The following RNF2 variants were observed in gnomAD, a reference collection of about 807,000 sequenced individuals.
The protein encoded by RNF2 is E3 ubiquitin-protein ligase RING2.
A neutral mutation model predicts 37.2 loss-of-function variants in RNF2; 6 were observed. That is an observed-to-expected ratio of 0.16 (90% CI 0.09 to 0.32). The LOEUF (loss-of-function observed/expected upper bound fraction) is 0.32, where lower values mean the gene tolerates loss of function less well. RNF2 is among the 10% of genes least tolerant of loss of function. RNF2 has a pLI of 1.00. For synonymous variants in RNF2, 133 were observed against 132.7 expected (o/e 1.00, Z -0.02); for missense variants, 251 against 404.0 (o/e 0.62, Z 3.25).
chr1:185,068,223 C>A (rs1650858893), intron 1 of RNF2, among the ~76,000 whole-genome samples: 1 of 152,138 alleles, frequency 6.6e-6, no homozygotes. Context: ...TAAGTGTTGT[C>A]TGTGGGTAGT....
intron 1 of RNF2, among the ~76,000 whole-genome samples, chr1:185,069,006 T>A (rs904920451): frequency 5.9e-5 from 9 of 152,214 alleles, no homozygotes; most frequent in African/African-American, 2.2e-4. Flanking sequence ...AAATGTTTCA[T>A]CCAATTTGGA....
intron 1 of RNF2, among the ~76,000 whole-genome samples, chr1:185,087,198 T>G (rs939731515): frequency 1.3e-5 from 2 of 152,226 alleles, no homozygotes; most frequent in Non-Finnish European, 1.5e-5. Context: ...TACTTTAGGC[T>G]GGGTAATTTA....
intron 1 of RNF2, among the ~76,000 whole-genome samples, chr1:185,060,003 A>G (rs951372616): frequency 6.6e-6 from 1 of 152,212 alleles, no homozygotes. Flanking sequence ...TTCCATTGAC[A>G]CAAGGGAATG....
chr1:185,090,029 C>G (rs536796966), intron 2 of RNF2, among the ~76,000 whole-genome samples: 14 of 152,212 alleles, frequency 9.2e-5, no homozygotes, highest in Non-Finnish European at 7.4e-5. Flanking sequence ...TCAAATGATT[C>G]TCCTGCTTCA....
intron 1 of RNF2, among the ~76,000 whole-genome samples, 183 bp downstream of exon 1, chr1:185,045,832 G>A (rs1346582183): frequency 6.6e-6 from 1 of 152,196 alleles, no homozygotes; most frequent in Non-Finnish European, 1.5e-5. Context: ...GAGACGGCGG[G>A]TGAAGCGGGT....
chr1:185,067,708 CTT>C (rs753063280), intron 1 of RNF2, among the ~76,000 whole-genome samples: 124 of 121,122 alleles, frequency 1.0e-3, no homozygotes, highest in African/African-American at 2.5e-3. Context: ...TAAAAGTATC[CTT>C]TTTTTTTTTT....
At chr1:185,082,654 C>G (rs1651463304) in intron 1 of RNF2, among the ~76,000 whole-genome samples, 1 of 152,142 alleles carries the variant, frequency 6.6e-6, no homozygotes, top group African/African-American at 2.4e-5. Flanking sequence ...CGCACCCAGC[C>G]TGCAGAACTT....
intron 1 of RNF2, among the ~76,000 whole-genome samples, chr1:185,078,129 C>T (rs1338372582): frequency 6.6e-6 from 1 of 152,058 alleles, no homozygotes; most frequent in Admixed American, 6.5e-5. Flanking sequence ...TGCCTGTAGT[C>T]CCAGCTGCTT....
At chr1:185,087,665 G>C (rs775910102) in intron 2 of RNF2, 25 bp downstream of exon 2, 2 of 1,529,912 alleles carry the variant, frequency 1.3e-6, no homozygotes, top group African/African-American at 2.7e-5. Context: ...GACTGCCAAG[G>C]GGCATATGAG....
chr1:185,053,245 G>A (rs1571292039), intron 1 of RNF2, among the ~76,000 whole-genome samples: 1 of 151,926 alleles, frequency 6.6e-6, no homozygotes, highest in East Asian at 1.9e-4. Flanking sequence ...CACATTCCAT[G>A]CCTTCTAGTT....
intron 1 of RNF2, among the ~76,000 whole-genome samples, chr1:185,082,360 TTTTTTTTG>T (rs1375943357): frequency 2.2e-5 from 3 of 138,200 alleles, no homozygotes; most frequent in Non-Finnish European, 3.2e-5. Context: ...TTTTTTTTTT[TTTTTTTTG>T]AAGACAGAGT....
intron 1 of RNF2, among the ~76,000 whole-genome samples, chr1:185,074,981 C>CTGTG (rs1175480441): frequency 2.0e-5 from 3 of 151,780 alleles, no homozygotes; most frequent in African/African-American, 7.3e-5. Flanking sequence ...ATATATAGTT[C>CTGTG]CGTGTGTGTG....
chr1:185,099,808 G>C lies in RNF2; in HGVS notation c.755G>C (p.Gly252Ala), dbSNP rs1477261183. 6.8e-6 allele frequency: 11 copies of C among 1,613,594 alleles called. No homozygotes were observed. Among genetic ancestry groups the C allele is most frequent in the Non-Finnish European group, 9.3e-6 (11 of 1,179,878 alleles). The change falls in exon 6 of 7, where the codon GGT becomes GCT. Residue 252 changes from glycine to alanine, a missense_variant. Physicochemically the swap from Gly to Ala is moderately conservative, Grantham distance 60. Around this residue, in one of 7 missense-constraint regions of RNF2, gnomAD observed 16 missense variants for 47.7 expected, o/e 0.34. Transcript: ENST00000367510. ...SAQTRYIKTS[G>A]NATVDHLSKY... Reference sequence around the variant, plus strand: ...TCTTCTAGATACATAAAGACTTCTGGTAACGCCACTGTTGATCACTTATCC... The same window carrying C: ...TCTTCTAGATACATAAAGACTTCTGCTAACGCCACTGTTGATCACTTATCC...
intron 1 of RNF2, among the ~76,000 whole-genome samples, chr1:185,076,520 T>C (rs1402780418): frequency 6.6e-6 from 1 of 151,182 alleles, no homozygotes; most frequent in Non-Finnish European, 1.5e-5. Flanking sequence ...TCTCCTGACC[T>C]TGTGATCCAC....
chr1:185,094,578 C>G (rs867660712), intron 4 of RNF2, among the ~76,000 whole-genome samples: 1 of 152,094 alleles, frequency 6.6e-6, no homozygotes, highest in East Asian at 1.9e-4. Flanking sequence ...GAAGTAAGTT[C>G]CCAACTGGTT....
Position 185,091,800 on chromosome 1 carries a change from G to A in RNF2, c.248+61G>A, listed in dbSNP as rs1651771037. 15 of 1,410,216 alleles carry A rather than the reference G, an allele frequency of 1.1e-5. No individual in the cohort carries two copies. In the South Asian group the frequency reaches 1.6e-4, roughly 15 times the overall value. 87.4% of individuals were successfully genotyped at this position (1,410,216 alleles called of 1,614,324 possible). On this transcript the variant is annotated intron_variant, in intron 3 of 6. Transcript: ENST00000367510. ...TTGTACCACGAAAGTGCTTTCCAGG[G>A]TTTGAGAAATACATTTTCTTTTTTT... is the stretch of plus-strand genomic sequence containing the variant.
intron 2 of RNF2, 74 bp from the exon 3 acceptor site, chr1:185,091,505 G>A: frequency 7.0e-7 from 1 of 1,428,848 alleles, no homozygotes; most frequent in Non-Finnish European, 9.7e-7. Context: ...ACCATTTCCA[G>A]TACTTTTATA....
intron 1 of RNF2, among the ~76,000 whole-genome samples, chr1:185,056,577 C>T (rs1203341987): frequency 6.6e-6 from 1 of 152,022 alleles, no homozygotes; most frequent in East Asian, 1.9e-4. Context: ...AGCTATGTTG[C>T]CCAGGCTGGT....
In RNF2 at chr1:185,079,930, GA is replaced by G. The variant is rs372875470; in HGVS notation, c.-2-7610del. ...GGGCAACAAGAGCGAGACTGTCTCA[GA>G]AAAAAAAAAAAGCCAATTGTGTCTT... On this transcript the variant is annotated intron_variant, in intron 1 of 6. Transcript: ENST00000367510. 7.3e-4 allele frequency among the ~76,000 whole-genome samples: 103 copies of G among 141,986 alleles called. 1 individual carries two copies. The highest frequency in any genetic ancestry group is 4.1e-4 in the East Asian group (2 of 4,910). The allele number at this position is 141,986 out of a possible 152,430, so 93.1% of individuals were successfully genotyped here.
Sources: gnomAD v4.1 joint callset for allele counts (sites outside exome capture counted in the v4.1 genomes callset) on GRCh38, gnomAD v4.1.1 for gene constraint, gnomAD v4.1.1 regional missense constraint, MANE v1.5 for transcripts, NCBI Gene and HGNC (gene_info 2026-07-23, HGNC 2026-07-21) for gene names.